SLC23A2: variants seen among roughly 807,000 people sequenced by gnomAD.
SLC23A2 encodes Na(+)/L-ascorbic acid transporter 2.
Under a neutral mutation model 73.3 loss-of-function variants are expected in SLC23A2, and 36 were observed. The observed-to-expected ratio is 0.49, with a 90% CI of 0.38 to 0.65. SLC23A2 has a LOEUF of 0.65. Ranked by LOEUF, SLC23A2 falls within the 30% of genes least tolerant of loss-of-function variation. The pLI is 0.00. For synonymous variants in SLC23A2, 343 were observed against 327.3 expected (o/e 1.05, Z -0.52); for missense variants, 507 against 841.6 (o/e 0.60, Z 4.92).
chr20:4,881,272 A>G (rs1378982291), intron 9 of SLC23A2, among the ~76,000 whole-genome samples: 1 of 152,142 alleles, frequency 6.6e-6, no homozygotes, highest in African/African-American at 2.4e-5. Context: ...CTGGATCTGT[A>G]AGTATCGAGT....
At chr20:4,991,230 T>C in intron 1 of SLC23A2, among the ~76,000 whole-genome samples, 1 of 151,936 alleles carries the variant, frequency 6.6e-6, no homozygotes, top group African/African-American at 2.4e-5. Context: ...ACAATCAGCC[T>C]CCCTAGTCAG....
In SLC23A2 at chr20:4,857,101, G is replaced by T; in HGVS notation, c.1824C>A (p.Asn608Lys). The change falls in exon 17 of 17, where the codon AAC (asparagine) becomes AAA (lysine). Residue 608 changes from asparagine (N) to lysine (K), a missense_variant. This residue lies in a region of SLC23A2 where 168 missense variants were observed against 302.3 expected (regional missense o/e 0.56). Coordinates refer to ENST00000338244, the MANE Select transcript of SLC23A2 (RefSeq NM_005116.6). This position sits in a 1 kb window ranked among gnomAD's most constrained non-coding sequence, Gnocchi z 4.0. ...MESYNLPFGM[N>K]IIKKYRCFSY... ...TGAAGCATCTGTATTTTTTTATAATGTTCATGCCAAATGGCAAATTGTACG... is the reference window on the plus strand; with the variant it reads ...TGAAGCATCTGTATTTTTTTATAATTTTCATGCCAAATGGCAAATTGTACG... 6.2e-7 allele frequency: 1 copy of T among 1,613,886 alleles called. No individual in the cohort carries two copies. The highest frequency in any genetic ancestry group is 8.5e-7 in the Non-Finnish European group (1 of 1,179,780).
intron 6 of SLC23A2, among the ~76,000 whole-genome samples, chr20:4,887,948 G>A (rs997606030): frequency 5.9e-5 from 9 of 152,160 alleles, no homozygotes; most frequent in Admixed American, 5.9e-4. Context: ...CCAAGAAAAC[G>A]GCTGAAGGTG....
intron 16 of SLC23A2, 124 bp downstream of exon 16, chr20:4,859,165 T>C: frequency 3.0e-6 from 2 of 666,166 alleles, no homozygotes; most frequent in Non-Finnish European, 2.7e-6. Context: ...TAGAAAACAG[T>C]TATAACCAGT....
In SLC23A2 at chr20:4,862,725, C is replaced by G; in HGVS notation, c.1486+53G>C. ...AGGGAGTCAGCAAAAACACCATGAC[C>G]CCTATTAAAAATTTGGAAAAGTAAA... On this transcript the variant is annotated intron_variant, in intron 14 of 16. Coordinates refer to ENST00000338244, the MANE Select transcript of SLC23A2 (RefSeq NM_005116.6). The surrounding 1 kb of genome is among the most constrained non-coding windows in gnomAD (Gnocchi z 5.1). 6.5e-7 allele frequency: 1 copy of G among 1,542,298 alleles called. No homozygotes were observed. Among genetic ancestry groups the G allele is most frequent in the Non-Finnish European group, 8.9e-7 (1 of 1,126,582 alleles).
At position 4,932,467 on chromosome 20, in the gene SLC23A2, G is replaced by A; in HGVS notation, c.96C>T (p.Phe32=). The A allele has an allele frequency of 1.3e-6, 2 of 1,578,950 alleles. No individual in the cohort carries two copies. The highest frequency in any genetic ancestry group is 1.7e-6 in the Non-Finnish European group (2 of 1,147,812). The change falls in exon 3 of 17, where the codon TTC becomes TTT. Residue 32 remains phenylalanine (F), a synonymous_variant. Coordinates refer to ENST00000338244, the MANE Select transcript of SLC23A2 (RefSeq NM_005116.6). ...KYEDEAKHPA[F]FTLPVVINGG... is the part of the protein sequence containing the mutation. ...GGAATATGATTACCGGAAGAGTGAA[G>A]AAAGCTGGGTGCTTTGCCTCGTCTT... is the stretch of plus-strand genomic sequence containing the variant.
At chr20:4,897,066 C>T (rs1453501238) in intron 6 of SLC23A2, among the ~76,000 whole-genome samples, 4 of 152,186 alleles carry the variant, frequency 2.6e-5, no homozygotes, top group Non-Finnish European at 2.9e-5. Context: ...CGCTGCCCTT[C>T]GTGCTGCAAG....
chr20:4,887,855 C>G (rs1396100346), intron 6 of SLC23A2, among the ~76,000 whole-genome samples: 2 of 152,182 alleles, frequency 1.3e-5, no homozygotes, highest in African/African-American at 2.4e-5. Flanking sequence ...TTGACTGAAA[C>G]GTTCTTAGGG....
intron 1 of SLC23A2, among the ~76,000 whole-genome samples, chr20:4,977,220 ATCTC>A (rs2087655980): frequency 6.6e-6 from 1 of 152,124 alleles, no homozygotes; most frequent in South Asian, 2.1e-4. Flanking sequence ...AAGGCAGAAC[ATCTC>A]TCTCTTTATG....
chr20:4,925,477 A>G (rs1015514825), intron 3 of SLC23A2, among the ~76,000 whole-genome samples: 2 of 152,162 alleles, frequency 1.3e-5, no homozygotes, highest in African/African-American at 4.8e-5. Flanking sequence ...CAATTCCAGG[A>G]CAGAGCCTCA....
intron 1 of SLC23A2, among the ~76,000 whole-genome samples, chr20:4,974,343 T>C (rs1440610375): frequency 6.6e-6 from 1 of 152,088 alleles, no homozygotes; most frequent in Admixed American, 6.6e-5. Context: ...GGCGCATGCC[T>C]GTAATTCCAG....
intron 1 of SLC23A2, among the ~76,000 whole-genome samples, chr20:4,989,427 G>A (rs933495981): frequency 2.0e-5 from 3 of 151,980 alleles, no homozygotes; most frequent in Non-Finnish European, 2.9e-5. Flanking sequence ...TTGAGAATGG[G>A]ACCGAAGTCT....
chr20:4,965,356 T>C (rs1482778479), intron 2 of SLC23A2, among the ~76,000 whole-genome samples: 1 of 152,204 alleles, frequency 6.6e-6, no homozygotes, highest in African/African-American at 2.4e-5. Context: ...TTCTTGGATC[T>C]CAACTCTTCC....
intron 1 of SLC23A2, among the ~76,000 whole-genome samples, chr20:4,978,141 T>C (rs1203189833): frequency 1.3e-5 from 2 of 152,094 alleles, no homozygotes; most frequent in Non-Finnish European, 2.9e-5. Context: ...ATCCTCCTAA[T>C]TACATGAAGA....
chr20:4,906,982 A>G (rs1037310081), intron 4 of SLC23A2, among the ~76,000 whole-genome samples: 1 of 152,236 alleles, frequency 6.6e-6, no homozygotes, highest in African/African-American at 2.4e-5. Flanking sequence ...GCTTGGAAGC[A>G]CTAGACAGAG....
chr20:4,924,758 G>A (rs776189448), intron 3 of SLC23A2, among the ~76,000 whole-genome samples: 5 of 152,228 alleles, frequency 3.3e-5, no homozygotes, highest in Non-Finnish European at 5.9e-5. Flanking sequence ...CCTTCTTGGT[G>A]CAGCCTTTCC....
chr20:4,965,773 T>C (rs2087465048), intron 2 of SLC23A2, among the ~76,000 whole-genome samples: 2 of 151,958 alleles, frequency 1.3e-5, no homozygotes, highest in African/African-American at 4.8e-5. Flanking sequence ...TGGAGACCAG[T>C]GTGGCCAATG....
Position 4,955,249 on chromosome 20 carries a change from T to C in SLC23A2, c.-155+15544A>G, listed in dbSNP as rs1279070890. On this transcript the variant is annotated intron_variant, in intron 2 of 16. Transcript: ENST00000338244. ...AGCCTGGGCAACAGAGTTAAGACCC[T>C]ATCTCTAAAAAGAAGAAAAAAGAAT... Among the ~76,000 whole-genome samples the C allele has an allele frequency of 2.6e-5, 4 of 151,122 alleles. No individual in the cohort carries two copies. In the East Asian group the frequency reaches 7.8e-4, roughly 30 times the overall value.
At chr20:4,970,223 A>T (rs56997448) in intron 2 of SLC23A2, among the ~76,000 whole-genome samples, 4,647 of 152,262 alleles carry the variant, frequency 0.031, 230 homozygotes, top group African/African-American at 0.1. Context: ...TAATTAATAT[A>T]AGTGGCAAGA....
Sources: gnomAD v4.1 joint callset for allele counts (sites outside exome capture counted in the v4.1 genomes callset) on GRCh38, gnomAD v4.1.1 for gene constraint, gnomAD v4.1.1 regional missense constraint, Gnocchi (gnomAD v3.1) non-coding constraint, MANE v1.5 for transcripts, NCBI Gene and HGNC (gene_info 2026-07-23, HGNC 2026-07-21) for gene names.